GALNT18: variants seen among roughly 807,000 people sequenced by gnomAD.
GALNT18 encodes polypeptide N-acetylgalactosaminyltransferase 18, also known as GalNAc-transferase 18.
In GALNT18, 44 loss-of-function variants were observed where a neutral mutation model predicts 69.5. The observed-to-expected ratio is 0.63, with a 90% CI of 0.50 to 0.81. The LOEUF (loss-of-function observed/expected upper bound fraction) is 0.81, where lower values mean the gene tolerates loss of function less well. Among genes scored for constraint, GALNT18 ranks in the 40% least tolerant of loss-of-function variants. The pLI, the probability that GALNT18 is intolerant of heterozygous loss-of-function variation, is 0.00. For missense variants in GALNT18, 715 were observed against 810.0 expected (o/e 0.88, Z 1.42); for synonymous variants, 364 against 318.2 (o/e 1.14, Z -1.53).
chr11:11,483,121 T>C (rs1590042326), intron 1 of GALNT18, among the ~76,000 whole-genome samples: 1 of 152,204 alleles, frequency 6.6e-6, no homozygotes, highest in African/African-American at 2.4e-5. Context: ...CACCTTCCCC[T>C]TGGTCCAATC....
intron 3 of GALNT18, among the ~76,000 whole-genome samples, chr11:11,408,722 C>G (rs1178458748): frequency 6.6e-6 from 1 of 152,206 alleles, no homozygotes; most frequent in Non-Finnish European, 1.5e-5. Flanking sequence ...ATCTGACATG[C>G]TAACAGCCCC....
intron 9 of GALNT18, among the ~76,000 whole-genome samples, chr11:11,324,620 C>A (rs1310742225): frequency 6.6e-6 from 1 of 151,842 alleles, no homozygotes; most frequent in African/African-American, 2.4e-5. Context: ...AAGGTGGTAT[C>A]TCATTGTTGT....
intron 1 of GALNT18, chr11:11,475,164 T>C (rs1310830686): frequency 7.4e-5 from 11 of 148,178 alleles, no homozygotes; most frequent in Admixed American, 1.4e-4. Flanking sequence ...ATAAAGTGAA[T>C]AACCAAACAA....
chr11:11,355,505 T>A (rs1447026639), intron 6 of GALNT18, among the ~76,000 whole-genome samples: 1 of 152,256 alleles, frequency 6.6e-6, no homozygotes, highest in African/African-American at 2.4e-5. Context: ...CTGTTATTAG[T>A]AGCACCCCCT....
Position 11,617,836 on chromosome 11 carries a change from G to T in GALNT18, c.235+3523C>A, listed in dbSNP as rs564993235. ...AGATTCTTGCTTCATCCGCCTCACC[G>T]TGTCAAGCCATCAGATCTTTCTACT... On this transcript the variant is annotated intron_variant, in intron 1 of 10. Coordinates refer to ENST00000227756, the MANE Select transcript of GALNT18 (RefSeq NM_198516.3). This position sits in a 1 kb window ranked among gnomAD's most constrained non-coding sequence, Gnocchi z 4.7. 1.4e-4 allele frequency among the ~76,000 whole-genome samples: 22 copies of T among 152,084 alleles called. No homozygotes were observed. Among genetic ancestry groups the T allele is most frequent in the Non-Finnish European group, 2.1e-4 (14 of 68,034 alleles).
intron 1 of GALNT18, among the ~76,000 whole-genome samples, chr11:11,585,210 A>G (rs1859183828): frequency 1.3e-5 from 2 of 152,190 alleles, no homozygotes; most frequent in South Asian, 4.1e-4. Flanking sequence ...ACATTTACTG[A>G]TGTGGTTTCA....
intron 1 of GALNT18, among the ~76,000 whole-genome samples, chr11:11,467,589 C>T (rs7129279): frequency 0.017 from 2,523 of 152,288 alleles, 67 homozygotes; most frequent in African/African-American, 0.055. Context: ...CACGCCCACA[C>T]GCTCATGCAT....
rs952554179 is a variant in GALNT18, at chr11:11,497,557, G to A, written c.236-48621C>T. ...AGAATACTCCAAAAGGTTCTCGTAT[G>A]AATGAAATGAGATTATTATCTATAA... On this transcript the variant is annotated intron_variant, in intron 1 of 10. Coordinates refer to ENST00000227756, the MANE Select transcript of GALNT18 (RefSeq NM_198516.3). The surrounding 1 kb of genome is among the most constrained non-coding windows in gnomAD (Gnocchi z 4.2). Among the ~76,000 whole-genome samples the A allele has an allele frequency of 1.3e-5, 2 of 152,114 alleles. No homozygotes were observed. The highest frequency in any genetic ancestry group is 2.9e-5 in the Non-Finnish European group (2 of 68,026).
rs1857884802 is a variant in GALNT18, at chr11:11,540,323, T to C, written c.235+81036A>G. ...TAAATGTTTTTCTTCGTCGTTGCCA[T>C]GGAAACTTGTGACTCCTACATCCCT... On this transcript the variant is annotated intron_variant, in intron 1 of 10. Transcript: ENST00000227756. The surrounding 1 kb of genome is among the most constrained non-coding windows in gnomAD (Gnocchi z 4.6). Among the ~76,000 whole-genome samples the C allele has an allele frequency of 6.6e-6, 1 of 152,144 alleles. No homozygotes were observed. The highest frequency in any genetic ancestry group is 2.4e-5 in the African/African-American group (1 of 41,420).
chr11:11,591,682 C>T lies in GALNT18; in HGVS notation c.235+29677G>A, dbSNP rs1232007761. Among the ~76,000 whole-genome samples, 1 of 152,180 alleles carries T rather than the reference C, an allele frequency of 6.6e-6. No homozygotes were observed. Among genetic ancestry groups the T allele is most frequent in the Non-Finnish European group, 1.5e-5 (1 of 68,032 alleles). On this transcript the variant is annotated intron_variant, in intron 1 of 10. Coordinates refer to ENST00000227756, the MANE Select transcript of GALNT18 (RefSeq NM_198516.3). The surrounding 1 kb of genome is among the most constrained non-coding windows in gnomAD (Gnocchi z 4.8). ...GGTGAATGTATGTGGTTAAAGGAGG[C>T]TGAGATAGTAATAGAAGTGCATTTT...
At chr11:11,509,741 T>C (rs1857132811) in intron 1 of GALNT18, among the ~76,000 whole-genome samples, 1 of 152,266 alleles carries the variant, frequency 6.6e-6, no homozygotes, top group Non-Finnish European at 1.5e-5. Context: ...AGCAGAGGAC[T>C]GGCCACAGGC....
At chr11:11,378,260 C>T (rs377499358) in intron 4 of GALNT18, among the ~76,000 whole-genome samples, 5 of 152,190 alleles carry the variant, frequency 3.3e-5, no homozygotes, top group African/African-American at 4.8e-5. Context: ...TCCCACTCCC[C>T]GGGGGCACAG....
intron 10 of GALNT18, among the ~76,000 whole-genome samples, chr11:11,284,908 G>GTGTTT (rs1554909664): frequency 6.0e-5 from 5 of 82,824 alleles, no homozygotes; most frequent in Admixed American, 1.3e-4. Context: ...AGACTTTCGT[G>GTGTTT]TTTTTTTTTT....
intron 1 of GALNT18, among the ~76,000 whole-genome samples, chr11:11,537,245 G>A (rs1205139971): frequency 6.6e-6 from 1 of 152,080 alleles, no homozygotes; most frequent in African/African-American, 2.4e-5. Flanking sequence ...GAGTCAGTCT[G>A]CATTTTTAAC....
chr11:11,417,362 G>A (rs189060093), intron 3 of GALNT18, among the ~76,000 whole-genome samples: 15 of 152,286 alleles, frequency 9.8e-5, no homozygotes, highest in Non-Finnish European at 1.5e-4. Context: ...TGAGAGAGAC[G>A]GAGAGAAAGG....
At chr11:11,304,309 T>C (rs1849542578) in intron 9 of GALNT18, among the ~76,000 whole-genome samples, 1 of 152,206 alleles carries the variant, frequency 6.6e-6, no homozygotes, top group African/African-American at 2.4e-5. Context: ...TACCCAAATT[T>C]GTTTTATTTG....
intron 1 of GALNT18, among the ~76,000 whole-genome samples, chr11:11,467,698 A>G (rs1856181978): frequency 6.6e-6 from 1 of 152,232 alleles, no homozygotes; most frequent in African/African-American, 2.4e-5. Flanking sequence ...GGAATGAGAT[A>G]ATCACATCAA....
chr11:11,342,425 A>T (rs1241778790), intron 6 of GALNT18, among the ~76,000 whole-genome samples: 1 of 152,188 alleles, frequency 6.6e-6, no homozygotes, highest in Non-Finnish European at 1.5e-5. Context: ...GATATATAAC[A>T]TGTACCCATC....
In GALNT18 at chr11:11,271,360, C is replaced by T; in HGVS notation, c.1678-70G>A. The T allele has an allele frequency of 2.6e-6, 4 of 1,526,324 alleles. 1 individual carries two copies. The allele number at this position is 1,526,324 out of a possible 1,614,324, so 94.5% of individuals were successfully genotyped here. On this transcript the variant is annotated intron_variant, in intron 10 of 10. Coordinates refer to ENST00000227756, the MANE Select transcript of GALNT18 (RefSeq NM_198516.3). ...CATGCAGAAATTCGGGAGCCTCAGG[C>T]CAAGTGGCTGGTGAGGGCTGACATT...
Sources: gnomAD v4.1 joint callset for allele counts (sites outside exome capture counted in the v4.1 genomes callset) on GRCh38, gnomAD v4.1.1 for gene constraint, Gnocchi (gnomAD v3.1) non-coding constraint, MANE v1.5 for transcripts, NCBI Gene and HGNC (gene_info 2026-07-23, HGNC 2026-07-21) for gene names.